NEMP2: variants seen among roughly 807,000 people sequenced by gnomAD.
NEMP2 encodes nuclear envelope integral membrane protein 2.
NEMP2 carries 53 observed loss-of-function variants against 54.2 expected under a neutral mutation model. The observed-to-expected ratio is 0.98, with a 90% CI of 0.78 to 1.23. The LOEUF (loss-of-function observed/expected upper bound fraction) is 1.23, where lower values mean the gene tolerates loss of function less well. Among genes scored for constraint, NEMP2 ranks in the 50% most tolerant of loss-of-function variants. The pLI is 0.00. For missense variants in NEMP2, 455 were observed against 511.3 expected, an observed-to-expected ratio of 0.89 and a Z score of 1.06; for synonymous variants, 197 against 190.3, an observed-to-expected ratio of 1.04 and a Z score of -0.29.
At chr2:190,483,835 CA>C in the NEMP2 span, among the ~76,000 whole-genome samples, 783 of 86,648 alleles carry the variant, frequency 9.0e-3, 3 homozygotes, top group African/African-American at 0.026. Flanking sequence ...AACTCATTTT[CA>C]AAAAAAAAAA....
At chr2:190,436,162 G>T in the NEMP2 span, 10 of 1,614,132 alleles carry the variant, frequency 6.2e-6, no homozygotes, top group Non-Finnish European at 8.5e-6. The surrounding 1 kb of genome is among the most constrained non-coding windows in gnomAD (Gnocchi z 5.3). Flanking sequence ...TTCCTCCACA[G>T]AAACATCTGC....
chr2:190,503,478 G>A (rs1313710819), downstream of NEMP2, among the ~76,000 whole-genome samples: 1 of 152,262 alleles, frequency 6.6e-6, no homozygotes, highest in East Asian at 1.9e-4. This position sits in a 1 kb window ranked among gnomAD's most constrained non-coding sequence, Gnocchi z 6.3. Context: ...TACCATACTG[G>A]ACAGCACGGG....
chr2:190,572,865 ATATAT>A, the NEMP2 span, among the ~76,000 whole-genome samples: 1 of 127,848 alleles, frequency 7.8e-6, no homozygotes, highest in Non-Finnish European at 1.7e-5. Flanking sequence ...ATATATATAT[ATATAT>A]ATATATGTAT....
downstream of NEMP2, among the ~76,000 whole-genome samples, chr2:190,502,667 C>T (rs893901766): frequency 2.6e-5 from 4 of 152,214 alleles, no homozygotes; most frequent in Non-Finnish European, 5.9e-5. The surrounding 1 kb of genome is among the most constrained non-coding windows in gnomAD (Gnocchi z 4.4). Flanking sequence ...TAGCTTCCCT[C>T]TAATTGGCAA....
At chr2:190,460,666 A>G in the NEMP2 span, among the ~76,000 whole-genome samples, 1 of 152,210 alleles carries the variant, frequency 6.6e-6, no homozygotes, top group Admixed American at 6.5e-5. Flanking sequence ...AAGTGTTGTG[A>G]GGAGAGGCAC....
At chr2:190,482,903 T>TTTTTTTTTTTTTTTTTTTTTTTTTTG in the NEMP2 span, among the ~76,000 whole-genome samples, 22 of 86,250 alleles carry the variant, frequency 2.6e-4, 7 homozygotes, top group East Asian at 8.2e-4. Context: ...TTTTTTTTTT[T>TTTTTTTTTTTTTTTTTTTTTTTTTTG]AGACGGAGTC....
At chr2:190,474,027 G>C in the NEMP2 span, among the ~76,000 whole-genome samples, 11 of 152,120 alleles carry the variant, frequency 7.2e-5, no homozygotes, top group Non-Finnish European at 1.6e-4. Flanking sequence ...CGAGAACAAA[G>C]ACACAATGTA....
chr2:190,424,898 T>G, the NEMP2 span, among the ~76,000 whole-genome samples: 6 of 152,236 alleles, frequency 3.9e-5, no homozygotes, highest in Non-Finnish European at 7.3e-5. The surrounding 1 kb of genome is among the most constrained non-coding windows in gnomAD (Gnocchi z 5.9). Flanking sequence ...GTATAAATTT[T>G]AAAATCTTGT....
At chr2:190,535,080 C>T (rs1691327166), upstream of NEMP2, 1 of 158,482 alleles carries the variant, frequency 6.3e-6, no homozygotes, top group South Asian at 2.0e-4. Context: ...ACTTGGCTGA[C>T]CTGTGACCTG....
chr2:190,532,163 G>C (rs1443871813), intron 1 of NEMP2, among the ~76,000 whole-genome samples: 2 of 152,154 alleles, frequency 1.3e-5, no homozygotes, highest in African/African-American at 4.8e-5. Context: ...AAGTCAAATG[G>C]ACTCAGGATT....
At chr2:190,572,833 G>GC in the NEMP2 span, among the ~76,000 whole-genome samples, 7 of 47,862 alleles carry the variant, frequency 1.5e-4, no homozygotes, top group Non-Finnish European at 1.9e-4. Context: ...CTTTTCATGA[G>GC]TATATATATA....
At chr2:190,426,634 C>T in the NEMP2 span, among the ~76,000 whole-genome samples, 2 of 152,292 alleles carry the variant, frequency 1.3e-5, no homozygotes, top group African/African-American at 4.8e-5. This position sits in a 1 kb window ranked among gnomAD's most constrained non-coding sequence, Gnocchi z 4.7. Context: ...CCCTCCCATT[C>T]TCCCCACTTT....
At chr2:190,612,566 G>T in the NEMP2 span, among the ~76,000 whole-genome samples, 1 of 152,206 alleles carries the variant, frequency 6.6e-6, no homozygotes, top group South Asian at 2.1e-4. Context: ...ATAGCTAGGG[G>T]CATGGCTAAT....
At chr2:190,648,167 A>G in the NEMP2 span, 24 of 152,446 alleles carry the variant, frequency 1.6e-4, no homozygotes, top group African/African-American at 4.8e-4. Context: ...AACATTAAAC[A>G]GTAAAATAAA....
At chr2:190,491,836 CAGA>C in the NEMP2 span, among the ~76,000 whole-genome samples, 1 of 152,128 alleles carries the variant, frequency 6.6e-6, no homozygotes, top group African/African-American at 2.4e-5. The surrounding 1 kb of genome is among the most constrained non-coding windows in gnomAD (Gnocchi z 4.2). Flanking sequence ...AAAAAGAATT[CAGA>C]AGGTCCATTA....
chr2:190,482,425 C>A, the NEMP2 span, among the ~76,000 whole-genome samples: 1 of 148,608 alleles, frequency 6.7e-6, no homozygotes. Flanking sequence ...AATCCCAGAA[C>A]TAATTGAAAT....
chr2:190,458,927 T>A, the NEMP2 span, among the ~76,000 whole-genome samples: 1 of 152,226 alleles, frequency 6.6e-6, no homozygotes, highest in Non-Finnish European at 1.5e-5. The surrounding 1 kb of genome is among the most constrained non-coding windows in gnomAD (Gnocchi z 5.3). Context: ...CAAGTTCAGC[T>A]GAGAACAGAG....
chr2:190,470,333 AACTT>A, the NEMP2 span, among the ~76,000 whole-genome samples: 1 of 152,178 alleles, frequency 6.6e-6, no homozygotes. Context: ...TTTTTCCATG[AACTT>A]TAAAAAATCT....
the NEMP2 span, chr2:190,489,826 T>G: frequency 6.2e-7 from 1 of 1,614,116 alleles, no homozygotes; most frequent in Admixed American, 1.7e-5. The surrounding 1 kb of genome is among the most constrained non-coding windows in gnomAD (Gnocchi z 6.6). Flanking sequence ...TACTGCTCTT[T>G]GCCCTGATCC....
Sources: gnomAD v4.1 joint callset for allele counts (sites outside exome capture counted in the v4.1 genomes callset) on GRCh38, gnomAD v4.1.1 for gene constraint, Gnocchi (gnomAD v3.1) non-coding constraint, MANE v1.5 for transcripts, NCBI Gene and HGNC (gene_info 2026-07-23, HGNC 2026-07-21) for gene names.